The following PLEKHA6 variants were observed in gnomAD, a reference collection of about 807,000 sequenced individuals.
PLEKHA6 encodes the protein pleckstrin homology domain containing A6.
Under a neutral mutation model 116.7 loss-of-function variants are expected in PLEKHA6, and 60 were observed. The ratio of observed to expected loss-of-function variants is 0.51; its 90% CI spans 0.42 to 0.64. PLEKHA6 has a LOEUF of 0.64. PLEKHA6 is among the 30% of genes least tolerant of loss of function. The pLI, the probability that PLEKHA6 is intolerant of heterozygous loss-of-function variation, is 0.00. For missense variants in PLEKHA6, 1,338 were observed against 1,422.7 expected, an observed-to-expected ratio of 0.94 and a Z score of 0.96; for synonymous variants, 489 against 556.1, an observed-to-expected ratio of 0.88 and a Z score of 1.70.
At chr1:204,232,624 A>G (rs931873681) in intron 17 of PLEKHA6, among the ~76,000 whole-genome samples, 4 of 152,254 alleles carry the variant, frequency 2.6e-5, no homozygotes, top group Non-Finnish European at 4.4e-5. Context: ...GAAAATGAAA[A>G]TAACTATGGG....
intron 1 of PLEKHA6, chr1:204,307,977 T>G: frequency 2.5e-6 from 2 of 800,472 alleles, no homozygotes; most frequent in South Asian, 1.1e-4. Flanking sequence ...CTCCTAAGGA[T>G]CCGATTCTAG....
At position 204,251,688 on chromosome 1, in the gene PLEKHA6, T is replaced by A. The variant is rs928370364; in HGVS notation, c.1525-1074A>T. 1.2e-5 allele frequency: 8 copies of A among 667,614 alleles called. No homozygotes were observed. The African/African-American group carries it at 1.4e-4, about 12-fold the overall frequency. 41.4% of individuals were successfully genotyped at this position (667,614 alleles called of 1,614,324 possible). ...TCTCCCCTTCACCCACCTGTGCTTG[T>A]TTCCCAGGAAACAGGGGAGGGCAGC... is the stretch of plus-strand genomic sequence containing the variant. On this transcript the variant is annotated intron_variant, in intron 9 of 22. Transcript: ENST00000272203.
intron 1 of PLEKHA6, among the ~76,000 whole-genome samples, chr1:204,279,530 T>C (rs1240298697): frequency 6.6e-6 from 1 of 152,250 alleles, no homozygotes; most frequent in Non-Finnish European, 1.5e-5. Flanking sequence ...AAGGCTTCCA[T>C]TTGTCAAGGA....
At chr1:204,287,195 G>A (rs1410553938) in intron 1 of PLEKHA6, among the ~76,000 whole-genome samples, 1 of 151,752 alleles carries the variant, frequency 6.6e-6, no homozygotes, top group Non-Finnish European at 1.5e-5. Flanking sequence ...GGCGGGAGGA[G>A]AGTAAAGTAA....
At chr1:204,282,920 C>T (rs1001291788) in intron 1 of PLEKHA6, 1 of 416,540 alleles carries the variant, frequency 2.4e-6, no homozygotes, top group African/African-American at 2.2e-5. Flanking sequence ...AGGCCCCAGC[C>T]CCCTCGCCTC....
At chr1:204,301,800 A>G (rs183244865) in intron 1 of PLEKHA6, among the ~76,000 whole-genome samples, 40 of 152,330 alleles carry the variant, frequency 2.6e-4, no homozygotes, top group African/African-American at 8.9e-4. Context: ...ATGGGAAACC[A>G]GCCCTGGTCA....
Position 204,248,923 on chromosome 1 carries a change from C to T in PLEKHA6, c.1722G>A (p.Met574Ile). The change falls in exon 12 of 23, where the codon ATG (methionine) becomes ATA (isoleucine). Residue 574 changes from methionine (M) to isoleucine (I), a missense_variant. Coordinates refer to ENST00000272203, the MANE Select transcript of PLEKHA6 (RefSeq NM_014935.5). ...CTGGGTAGGCGGGCTGGCTTCCAAACATCTCCAGCTCCTGGTGGGTCCCCA... is the reference window on the plus strand; with the variant it reads ...CTGGGTAGGCGGGCTGGCTTCCAAATATCTCCAGCTCCTGGTGGGTCCCCA... ...ALMGTHQELE[M>I]FGSQPAYPEK... 5 of 1,614,120 alleles carry T rather than the reference C, an allele frequency of 3.1e-6. No homozygotes were observed. Among genetic ancestry groups the T allele is most frequent in the Non-Finnish European group, 3.4e-6 (4 of 1,179,986 alleles).
intron 1 of PLEKHA6, among the ~76,000 whole-genome samples, chr1:204,301,657 G>C (rs1282033212): frequency 6.6e-6 from 1 of 152,138 alleles, no homozygotes; most frequent in Non-Finnish European, 1.5e-5. Context: ...AGGAATTGAA[G>C]GAAGGAATTC....
chr1:204,375,992 G>A (rs1558207605), intron 1 of PLEKHA6, among the ~76,000 whole-genome samples: 1 of 150,854 alleles, frequency 6.6e-6, no homozygotes, highest in African/African-American at 2.5e-5. Context: ...ACTCCCTGGA[G>A]AGCATTAGTT....
intron 17 of PLEKHA6, among the ~76,000 whole-genome samples, chr1:204,232,004 A>T (rs1455951107): frequency 1.3e-5 from 2 of 152,174 alleles, no homozygotes; most frequent in East Asian, 1.9e-4. Flanking sequence ...ATATATCATG[A>T]ATGGAATGCT....
rs1369853981 is a variant in PLEKHA6 at position 204,313,667 on chromosome 1, C to T, written c.-94-38858G>A. On this transcript the variant is annotated intron_variant, in intron 1 of 22. Coordinates refer to ENST00000272203, the MANE Select transcript of PLEKHA6 (RefSeq NM_014935.5). ...TTCTCCACCTCCATGCCCCCATCCT[C>T]AGGTGGCTGTCTTTGAGATTTTCAC... 9.1e-6 allele frequency: 9 copies of T among 984,942 alleles called. No homozygotes were observed. The Admixed American group carries it at 1.8e-4, about 20-fold the overall frequency. 61.0% of individuals were successfully genotyped at this position (984,942 alleles called of 1,614,324 possible).
At chr1:204,245,121 A>G (rs1663457295) in intron 14 of PLEKHA6, 118 bp from the exon 15 acceptor site, 2 of 688,096 alleles carry the variant, frequency 2.9e-6, no homozygotes, top group Non-Finnish European at 4.5e-6. Context: ...GGAAGGGCAG[A>G]TTTAGTGTCT....
intron 1 of PLEKHA6, among the ~76,000 whole-genome samples, chr1:204,339,418 C>G (rs986833426): frequency 6.6e-6 from 1 of 152,188 alleles, no homozygotes; most frequent in Non-Finnish European, 1.5e-5. Context: ...CTCCATCTCA[C>G]CAACCTGGGC....
chr1:204,312,476 A>C (rs1295800355), intron 1 of PLEKHA6, among the ~76,000 whole-genome samples: 1 of 152,174 alleles, frequency 6.6e-6, no homozygotes, highest in African/African-American at 2.4e-5. Context: ...GCTTTCCTAC[A>C]ACCTGCCCTT....
At chr1:204,227,655 T>C (rs1040844624) in intron 21 of PLEKHA6, among the ~76,000 whole-genome samples, 1 of 152,188 alleles carries the variant, frequency 6.6e-6, no homozygotes, top group Non-Finnish European at 1.5e-5. Flanking sequence ...TTCTTCCTAT[T>C]TGCATGCAGC....
intron 9 of PLEKHA6, chr1:204,251,419 G>A (rs1260205867): frequency 4.8e-6 from 3 of 620,548 alleles, no homozygotes; most frequent in Admixed American, 4.8e-5. Flanking sequence ...CCTGTCTCCA[G>A]GCAGATGAGC....
At position 204,256,354 on chromosome 1, in the gene PLEKHA6, C is replaced by T. The variant is rs75215257; in HGVS notation, c.1524+999G>A. Among the ~76,000 whole-genome samples the T allele has an allele frequency of 8.1e-3, 1,235 of 152,192 alleles. 16 individuals are homozygous for T. The highest frequency in any genetic ancestry group is 0.028 in the African/African-American group (1,165 of 41,508). ...CAGAGAAAAAGGAGGAGATGCAATT[C>T]GGAAAATTTTTTCTTCCTCAATCAT... On this transcript the variant is annotated intron_variant, in intron 9 of 22. Coordinates refer to ENST00000272203, the MANE Select transcript of PLEKHA6 (RefSeq NM_014935.5).
In PLEKHA6 at chr1:204,241,758, G is replaced by A; in HGVS notation, c.2229C>T (p.Asp743=). ...GCACAAGGCTGATGTCTCTGGGGGT[G>A]TCCAGGGGCAATGTCTGGTGGGGGT... ...KKDPHQTLPL[D]TPRDISLVPT... The change falls in exon 16 of 23, where the codon GAC becomes GAT. Residue 743 remains aspartate, a synonymous_variant. Transcript: ENST00000272203. 1.2e-6 allele frequency: 2 copies of A among 1,614,052 alleles called. No homozygotes were observed. The highest frequency in any genetic ancestry group is 8.5e-7 in the Non-Finnish European group (1 of 1,179,884).
chr1:204,350,378 G>A (rs1046756750), intron 1 of PLEKHA6, among the ~76,000 whole-genome samples: 7 of 152,210 alleles, frequency 4.6e-5, no homozygotes, highest in African/African-American at 1.4e-4. Context: ...TCCAACCTGT[G>A]TAACTTGTGT....
Sources: allele counts gnomAD v4.1 joint callset (sites outside exome capture counted in the v4.1 genomes callset), GRCh38; gene constraint gnomAD v4.1.1; transcripts MANE v1.5; gene names NCBI Gene and HGNC (gene_info 2026-07-23, HGNC 2026-07-21).